SETX: variants seen among roughly 807,000 people sequenced by gnomAD.
SETX encodes helicase senataxin.
In SETX, 90 loss-of-function variants were observed where a neutral mutation model predicts 227.2. The ratio of observed to expected loss-of-function variants is 0.40; its 90% CI spans 0.33 to 0.47. The LOEUF (loss-of-function observed/expected upper bound fraction) is 0.47. SETX is among the 20% of genes least tolerant of loss of function. SETX has a pLI of 0.91. For missense variants in SETX, 3,052 were observed against 3,181.5 expected, an observed-to-expected ratio of 0.96 and a Z score of 0.98; for synonymous variants, 1,210 against 1,113.2, an observed-to-expected ratio of 1.09 and a Z score of -1.73.
At chr9:132,280,808 C>T (rs1246676515) in intron 20 of SETX, among the ~76,000 whole-genome samples, 2 of 152,118 alleles carry the variant, frequency 1.3e-5, no homozygotes, top group Admixed American at 1.3e-4. Context: ...TTCTAATGTG[C>T]ATTTCCAGGA....
At position 132,264,661 on chromosome 9, in the gene SETX, C is replaced by G. The variant is rs1473906430; in HGVS notation, c.7612G>C (p.Asp2538His). The part of the protein sequence containing the change: ...ERPPVHDQLQ[D>H]PRLLKRMGIE... ...CCCATCCTCTTCAGCAGTCGTGGGT[C>G]CTGAAGTTGGTCATGAACAGGAGGT... The change falls in exon 26 of 26, where the codon GAC (aspartate) becomes CAC (histidine). Residue 2538 changes from aspartate (D) to histidine (H), a missense_variant. Around this residue, in one of 10 missense-constraint regions of SETX, gnomAD observed 294 missense variants for 278.8 expected, o/e 1.05. Transcript: ENST00000224140. The G allele has an allele frequency of 6.8e-6, 11 of 1,613,990 alleles. No individual in the cohort carries two copies. The highest frequency in any genetic ancestry group is 9.3e-6 in the Non-Finnish European group (11 of 1,180,046).
At chr9:132,278,740 A>G (rs2131186085) in intron 20 of SETX, among the ~76,000 whole-genome samples, 1 of 152,320 alleles carries the variant, frequency 6.6e-6, no homozygotes, top group East Asian at 1.9e-4. Context: ...ACGCCACCCA[A>G]AAAAACCAGT....
At position 132,281,882 on chromosome 9, in the gene SETX, C is replaced by T. The variant is rs573214855; in HGVS notation, c.6547-308G>A. Among the ~76,000 whole-genome samples the T allele has an allele frequency of 1.0e-3, 153 of 151,798 alleles. 1 individual carries two copies. The highest frequency in any genetic ancestry group is 1.9e-3 in the Non-Finnish European group (129 of 67,926). On this transcript the variant is annotated intron_variant, in intron 19 of 25. Coordinates refer to ENST00000224140, the MANE Select transcript of SETX (RefSeq NM_015046.7). ...GGCGCAACCAAAAAAATTAGCTGGGCGTGGTGGCAAGTGCCTGTAATCCCA... is the reference window on the plus strand; with the variant it reads ...GGCGCAACCAAAAAAATTAGCTGGGTGTGGTGGCAAGTGCCTGTAATCCCA...
At chr9:132,271,629 A>T in intron 24 of SETX, 81 bp downstream of exon 24, 2 of 1,115,292 alleles carry the variant, frequency 1.8e-6, no homozygotes, top group Non-Finnish European at 2.8e-6. Flanking sequence ...GTTCTCTAAC[A>T]GTGATAATGA....
rs752731567 is a variant in SETX at position 132,288,579 on chromosome 9, C to G, written c.6179G>C (p.Ser2060Thr). The G allele has an allele frequency of 3.1e-6, 5 of 1,613,646 alleles. No homozygotes were observed. Among genetic ancestry groups the G allele is most frequent in the Non-Finnish European group, 4.2e-6 (5 of 1,179,780 alleles). Residue 2060 changes from serine to threonine, a missense_variant, in exon 16 of 26, where the codon AGT becomes ACT. By Grantham distance (58) the Ser-to-Thr change is moderately conservative (BLOSUM62 1). Around this residue, in one of 10 missense-constraint regions of SETX, gnomAD observed 412 missense variants for 589.0 expected, o/e 0.70. Transcript: ENST00000224140. ...TCTGTGGTTTACTTGGCTGTCCAAA[C>G]TGAACTTTAGAACCTCACTATTAAT... is the stretch of plus-strand genomic sequence containing the variant. ...KSINSEVLKF[S>T]LDSQVNHRMK...
chr9:132,318,559 T>C (rs17148925), intron 10 of SETX, among the ~76,000 whole-genome samples: 12,412 of 152,212 alleles, frequency 0.082, 638 homozygotes, highest in East Asian at 0.24. Context: ...AGTAAGCATT[T>C]CAGTATTACA....
intron 5 of SETX, among the ~76,000 whole-genome samples, chr9:132,339,760 A>C (rs1847849124): frequency 6.6e-6 from 1 of 152,010 alleles, no homozygotes; most frequent in Non-Finnish European, 1.5e-5. Context: ...CTACAGGCAC[A>C]CACCACCACA....
intron 5 of SETX, among the ~76,000 whole-genome samples, chr9:132,336,767 T>C (rs1176417336): frequency 1.3e-5 from 2 of 152,216 alleles, no homozygotes; most frequent in African/African-American, 4.8e-5. Context: ...TTAGATGCAA[T>C]AATAGTATTT....
chr9:132,296,328 G>A (rs894111420), intron 14 of SETX, among the ~76,000 whole-genome samples: 2 of 152,070 alleles, frequency 1.3e-5, no homozygotes, highest in East Asian at 1.9e-4. Context: ...CGAGGCGGGC[G>A]GATCACTTGA....
rs576640203 is a variant in SETX at position 132,299,730 on chromosome 9, C to A, written c.5548+900G>T. Among the ~76,000 whole-genome samples the A allele has an allele frequency of 9.2e-5, 14 of 152,324 alleles. 1 individual carries two copies. The South Asian group carries it at 2.9e-3, about 32-fold the overall frequency. ...TCAATTCTGGACTTACCAATTAACA[C>A]TGATGACAGCCTTGAAAATAGGTTT... is the stretch of plus-strand genomic sequence containing the variant. On this transcript the variant is annotated intron_variant, in intron 12 of 25. Coordinates refer to ENST00000224140, the MANE Select transcript of SETX (RefSeq NM_015046.7).
At chr9:132,342,061 C>T (rs1212337169) in intron 5 of SETX, among the ~76,000 whole-genome samples, 1 of 152,080 alleles carries the variant, frequency 6.6e-6, no homozygotes, top group Non-Finnish European at 1.5e-5. Flanking sequence ...CGTAATTTTT[C>T]TTGCCTTACA....
intron 11 of SETX, among the ~76,000 whole-genome samples, chr9:132,302,395 C>T (rs1397510479): frequency 1.4e-5 from 2 of 147,244 alleles, no homozygotes; most frequent in East Asian, 2.0e-4. Flanking sequence ...TGTGGTGGCT[C>T]ACGCCTGTAA....
At chr9:132,319,732 T>C (rs1016434272) in intron 10 of SETX, among the ~76,000 whole-genome samples, 7 of 152,148 alleles carry the variant, frequency 4.6e-5, no homozygotes, top group Non-Finnish European at 8.8e-5. Flanking sequence ...CTGATTACAA[T>C]CTGAAATTAG....
At chr9:132,323,859 T>C (rs1250894836) in intron 10 of SETX, among the ~76,000 whole-genome samples, 1 of 151,746 alleles carries the variant, frequency 6.6e-6, no homozygotes, top group East Asian at 1.9e-4. Context: ...GCCATAATTG[T>C]GCCACTGTAC....
chr9:132,326,544 GA>G lies in SETX; in HGVS notation c.5053del (p.Ser1685ProfsTer4). The G allele has an allele frequency of 6.2e-7, 1 of 1,614,130 alleles. No individual in the cohort carries two copies. The highest frequency in any genetic ancestry group is 8.5e-7 in the Non-Finnish European group (1 of 1,180,016). ...TGACAAAAGAATGTTTACTGGAGAG[GA>G]AGATGGAAAATATTTGCTTTCACCA... ...PFGESKYFPS[S>X]SPVNILLSSQ... On this transcript the variant is annotated frameshift_variant, in exon 10 of 26. Transcript: ENST00000224140. LOFTEE classifies it high-confidence loss of function.
At chr9:132,354,622 A>C (rs962637946) in intron 1 of SETX, among the ~76,000 whole-genome samples, 25 of 151,918 alleles carry the variant, frequency 1.6e-4, no homozygotes, top group Admixed American at 1.3e-3. Context: ...CAAGGAAACT[A>C]CGCAGTATCC....
intron 6 of SETX, among the ~76,000 whole-genome samples, chr9:132,336,070 C>T (rs1451637930): frequency 6.6e-6 from 1 of 151,942 alleles, no homozygotes; most frequent in Non-Finnish European, 1.5e-5. Flanking sequence ...GGTGAAACCC[C>T]GTCTCTACTA....
Position 132,264,679 on chromosome 9 carries a change from CA to C in SETX, c.7593del (p.Val2532PhefsTer11). 1 of 1,614,096 alleles carries C rather than the reference CA, an allele frequency of 6.2e-7. No homozygotes were observed. Among genetic ancestry groups the C allele is most frequent in the East Asian group, 2.2e-5 (1 of 44,902 alleles). ...CGTGGGTCCTGAAGTTGGTCATGAA[CA>C]GGAGGTCTTTCAGGGTCCTTTGAAG... ...TVTSKDPERP[P>X]VHDQLQDPRL... is the part of the protein sequence containing the mutation. On this transcript the variant is annotated frameshift_variant, in exon 26 of 26. Transcript: ENST00000224140. LOFTEE classifies it low-confidence loss of function (END_TRUNC).
intron 25 of SETX, among the ~76,000 whole-genome samples, chr9:132,267,564 A>C (rs1842707239): frequency 6.6e-6 from 1 of 152,160 alleles, no homozygotes; most frequent in East Asian, 1.9e-4. Flanking sequence ...CCAAAACAAC[A>C]AAGAAAAAGC....
Sources: allele counts gnomAD v4.1 joint callset (sites outside exome capture counted in the v4.1 genomes callset), GRCh38; gene constraint gnomAD v4.1.1; regional missense constraint gnomAD v4.1.1; transcripts MANE v1.5; gene names NCBI Gene and HGNC (gene_info 2026-07-23, HGNC 2026-07-21).